The following SASH1 variants were observed in gnomAD, a reference collection of about 807,000 sequenced individuals.
The protein encoded by SASH1 is SAM and SH3 domain-containing protein 1.
In SASH1, 44 loss-of-function variants were observed where a neutral mutation model predicts 125.2. The ratio of observed to expected loss-of-function variants is 0.35; its 90% CI spans 0.28 to 0.45. The LOEUF (loss-of-function observed/expected upper bound fraction) is 0.45, where lower values mean the gene tolerates loss of function less well. Ranked by LOEUF, SASH1 falls within the 20% of genes least tolerant of loss-of-function variation. SASH1 has a pLI of 1.00. For missense variants in SASH1, 1,426 were observed against 1,614.5 expected, an observed-to-expected ratio of 0.88 and a Z score of 2.00; for synonymous variants, 639 against 649.1, an observed-to-expected ratio of 0.98 and a Z score of 0.24.
chr6:148,284,845 T>C (rs1779441044), intron 1 of SASH1, among the ~76,000 whole-genome samples: 1 of 152,178 alleles, frequency 6.6e-6, no homozygotes, highest in South Asian at 2.1e-4. Flanking sequence ...TTCAGATAAT[T>C]TTCTCCCGAT....
rs556536092 is a variant in SASH1 at position 148,296,820 on chromosome 6, G to C, written n.74+24443G>C. Among the ~76,000 whole-genome samples the C allele has an allele frequency of 3.9e-4, 59 of 152,292 alleles. No homozygotes were observed. The South Asian group carries it at 0.011, about 29-fold the overall frequency. On this transcript the variant is annotated intron_variant and non_coding_transcript_variant, in intron 1 of 3. Transcript: ENST00000367469. ...TTAATGAGAAGGAGCTGGCATGGAG[G>C]ATACCCAAGTCTGATGTAGTTTACT...
intron 4 of SASH1, among the ~76,000 whole-genome samples, chr6:148,451,588 A>C (rs879933277): frequency 3.9e-5 from 6 of 152,150 alleles, no homozygotes; most frequent in Non-Finnish European, 7.4e-5. Context: ...GCTTGAGCTC[A>C]GGAGTTTGGG....
At chr6:148,307,264 G>C (rs1439413688) in intron 1 of SASH1, among the ~76,000 whole-genome samples, 1 of 151,804 alleles carries the variant, frequency 6.6e-6, no homozygotes, top group African/African-American at 2.4e-5. Context: ...GATTACAGGT[G>C]TGTGCCACCA....
intron 1 of SASH1, among the ~76,000 whole-genome samples, chr6:148,378,780 T>G (rs982305525): frequency 6.6e-6 from 1 of 152,222 alleles, no homozygotes; most frequent in African/African-American, 2.4e-5. Flanking sequence ...GTTCAGCCTC[T>G]TCCATGACAG....
At chr6:148,213,249 G>A in the SASH1 span, among the ~76,000 whole-genome samples, 1 of 152,082 alleles carries the variant, frequency 6.6e-6, no homozygotes, top group East Asian at 1.9e-4. Flanking sequence ...AACTTGATGA[G>A]AAGAACCCTC....
At chr6:148,440,892 C>T (rs74992022) in intron 4 of SASH1, among the ~76,000 whole-genome samples, 319 of 152,258 alleles carry the variant, frequency 2.1e-3, no homozygotes, top group African/African-American at 7.1e-3. Context: ...TGATCCCTAG[C>T]GTTTCCTGTT....
At chr6:148,243,514 G>A in the SASH1 span, among the ~76,000 whole-genome samples, 2 of 140,330 alleles carry the variant, frequency 1.4e-5, no homozygotes, top group Non-Finnish European at 3.1e-5. Context: ...GTGGTGGCAT[G>A]TGCCTGTAAT....
the SASH1 span, among the ~76,000 whole-genome samples, chr6:148,257,220 G>A: frequency 2.0e-4 from 30 of 152,246 alleles, no homozygotes; most frequent in Admixed American, 2.6e-4. Context: ...GTCCAGTTCC[G>A]ATCTTAAACC....
At chr6:148,547,901 T>C (rs1383385361) in intron 19 of SASH1, among the ~76,000 whole-genome samples, 1 of 152,234 alleles carries the variant, frequency 6.6e-6, no homozygotes, top group Non-Finnish European at 1.5e-5. Flanking sequence ...AAGTCTCCTT[T>C]ATAAAAACCC....
Position 148,514,217 on chromosome 6 carries a change from A to G in SASH1, c.730-107A>G, listed in dbSNP as rs150337910. ...TTTTTGTTGGTTCCCAAGTTCAGCAACAGAGCTGCCGAGGTTCAGACTGGC... is the reference window on the plus strand; with the variant it reads ...TTTTTGTTGGTTCCCAAGTTCAGCAGCAGAGCTGCCGAGGTTCAGACTGGC... On this transcript the variant is annotated intron_variant, in intron 8 of 19. Coordinates refer to ENST00000367467, the MANE Select transcript of SASH1 (RefSeq NM_015278.5). 1.3e-4 allele frequency: 197 copies of G among 1,492,878 alleles called. No homozygotes were observed. The East Asian group carries it at 4.4e-3, about 33-fold the overall frequency. The allele number at this position is 1,492,878 out of a possible 1,614,324, so 92.5% of individuals were successfully genotyped here.
intron 1 of SASH1, among the ~76,000 whole-genome samples, chr6:148,277,401 C>T (rs1262260069): frequency 2.6e-5 from 4 of 152,198 alleles, no homozygotes; most frequent in South Asian, 2.1e-4. Context: ...CACCGTGCTC[C>T]GACCAGCCAG....
intron 1 of SASH1, among the ~76,000 whole-genome samples, chr6:148,376,845 G>T (rs963230996): frequency 6.6e-6 from 1 of 151,962 alleles, no homozygotes; most frequent in Non-Finnish European, 1.5e-5. Flanking sequence ...TCCAGCCTGG[G>T]TGACAGAATG....
At chr6:148,404,105 T>C (rs984685556) in intron 2 of SASH1, among the ~76,000 whole-genome samples, 1 of 152,198 alleles carries the variant, frequency 6.6e-6, no homozygotes, top group African/African-American at 2.4e-5. Flanking sequence ...TCTGGAGATA[T>C]TTGCATTCCT....
chr6:148,336,776 T>C (rs149680875), intron 1 of SASH1, among the ~76,000 whole-genome samples: 1,828 of 151,874 alleles, frequency 0.012, 30 homozygotes, highest in African/African-American at 0.041. Context: ...TAAGTTCTGT[T>C]TTTCTGTAAT....
chr6:148,547,620 T>C (rs1165133371), intron 19 of SASH1, among the ~76,000 whole-genome samples: 11 of 152,224 alleles, frequency 7.2e-5, no homozygotes, highest in Admixed American at 7.2e-4. Flanking sequence ...TAATAAATCT[T>C]TGTAGACTTT....
rs550303731 is a variant in SASH1, at chr6:148,544,802, A to G, written c.3332A>G (p.Glu1111Gly). The change falls in exon 18 of 20, where the codon GAG (glutamate) becomes GGG (glycine). Residue 1111 changes from glutamate to glycine, a missense_variant. This residue lies in a region of SASH1 where 634 missense variants were observed against 694.4 expected (regional missense o/e 0.91). Coordinates refer to ENST00000367467, the MANE Select transcript of SASH1 (RefSeq NM_015278.5). This position sits in a 1 kb window ranked among gnomAD's most constrained non-coding sequence, Gnocchi z 6.4. Reference protein sequence around the residue: ...LHAEGIDLTEEPYSDKHGRCG... With the variant: ...LHAEGIDLTEGPYSDKHGRCG... ...GCTGAAGGCATCGATCTCACGGAGG[A>G]GCCGTATTCTGATAAGGTATCAAAG... 89 of 1,591,946 alleles carry G rather than the reference A, an allele frequency of 5.6e-5. 1 individual carries two copies. In the South Asian group the frequency reaches 8.8e-4, roughly 16 times the overall value.
rs1239319632 is a variant in SASH1 at position 148,358,727 on chromosome 6, G to GGTTTTT, written c.156+15504_156+15505insGTTTTT. On this transcript the variant is annotated intron_variant, in intron 1 of 19. Coordinates refer to ENST00000367467, the MANE Select transcript of SASH1 (RefSeq NM_015278.5). ...TTGGTTTCCTGTTTCCTAATGCCAT[G>GGTTTTT]TTTTTGTTTTTTTTTTTTTTTTTTT... 2.3e-4 allele frequency among the ~76,000 whole-genome samples: 23 copies of GGTTTTT among 98,778 alleles called. 2 individuals carry two copies. Among genetic ancestry groups the GGTTTTT allele is most frequent in the Non-Finnish European group, 2.4e-4 (11 of 45,318 alleles). 64.8% of individuals were successfully genotyped at this position (98,778 alleles called of 152,430 possible).
At chr6:148,309,436 T>G (rs1445802409) in intron 1 of SASH1, among the ~76,000 whole-genome samples, 1 of 152,142 alleles carries the variant, frequency 6.6e-6, no homozygotes, top group African/African-American at 2.4e-5. Context: ...CCTCAGTTAA[T>G]CTCAGTTACA....
the SASH1 span, among the ~76,000 whole-genome samples, chr6:148,255,645 T>A: frequency 6.6e-6 from 1 of 152,110 alleles, no homozygotes; most frequent in Non-Finnish European, 1.5e-5. Context: ...TTTTATTTGT[T>A]TTTTTCTTTT....
Sources: allele counts gnomAD v4.1 joint callset (sites outside exome capture counted in the v4.1 genomes callset), GRCh38; gene constraint gnomAD v4.1.1; regional missense constraint gnomAD v4.1.1; non-coding constraint Gnocchi (gnomAD v3.1); transcripts MANE v1.5; gene names NCBI Gene and HGNC (gene_info 2026-07-23, HGNC 2026-07-21).